CEP43: variants seen among roughly 807,000 people sequenced by gnomAD.
The protein encoded by CEP43 is centrosomal protein 43.
A neutral mutation model predicts 52.6 loss-of-function variants in CEP43; 36 were observed. That is an observed-to-expected ratio of 0.68 (90% CI 0.52 to 0.90). The LOEUF is 0.90. Among genes scored for constraint, CEP43 ranks in the 40% least tolerant of loss-of-function variants. The pLI, the probability that CEP43 is intolerant of heterozygous loss-of-function variation, is 0.00. For synonymous variants in CEP43, 192 were observed against 172.4 expected (o/e 1.11, Z -0.89); for missense variants, 506 against 472.8 (o/e 1.07, Z -0.65).
At position 167,003,625 on chromosome 6, in the gene CEP43, C is replaced by G. The variant is rs775834364; in HGVS notation, c.212-98C>G. On this transcript the variant is annotated intron_variant, in intron 3 of 12. Coordinates refer to ENST00000366847, the MANE Select transcript of CEP43 (RefSeq NM_007045.4). ...TTTGTAACTTAAAAAATTTAGAAACCTTTCTTCCATTAATTTAGTGTATCT... is the reference window on the plus strand; with the variant it reads ...TTTGTAACTTAAAAAATTTAGAAACGTTTCTTCCATTAATTTAGTGTATCT... The G allele has an allele frequency of 2.2e-5, 15 of 684,486 alleles. No homozygotes were observed. In the African/African-American group the frequency reaches 2.7e-4, roughly 12 times the overall value. 42.4% of individuals were successfully genotyped at this position (684,486 alleles called of 1,614,324 possible). A position where few individuals can be genotyped will look rare whatever the true frequency, so the allele number is the denominator to read the frequency against.
chr6:167,013,188 T>C (rs779838110), intron 6 of CEP43, among the ~76,000 whole-genome samples: 4 of 152,174 alleles, frequency 2.6e-5, no homozygotes, highest in Non-Finnish European at 5.9e-5. Flanking sequence ...GGAAGTTGCC[T>C]AGGAACTCAA....
chr6:167,010,367 A>G (rs575274092), intron 5 of CEP43, among the ~76,000 whole-genome samples: 5 of 152,340 alleles, frequency 3.3e-5, no homozygotes, highest in South Asian at 4.1e-4. Flanking sequence ...GTGAACTACT[A>G]TTTGAAGGGG....
At position 167,048,113 on chromosome 6, in the gene CEP43, A is replaced by G. The variant is rs980075834; in HGVS notation, c.*8135A>G. ...TGGACATTAAAACTGAATTGTAGGC[A>G]GGCGTGGTGGCTCACACCTGTAATC... On this transcript the variant is annotated 3_prime_UTR_variant, in exon 13 of 13. Transcript: ENST00000366847. 1.3e-5 allele frequency: 2 copies of G among 152,218 alleles called. No individual in the cohort carries two copies. The highest frequency in any genetic ancestry group is 2.9e-5 in the Non-Finnish European group (2 of 68,046). 9.4% of individuals were successfully genotyped at this position (152,218 alleles called of 1,614,324 possible). A position where few individuals can be genotyped will look rare whatever the true frequency, so the allele number is the denominator to read the frequency against.
In CEP43 at chr6:167,039,935, C is replaced by T. The variant is rs1181535585; in HGVS notation, c.1157C>T (p.Ser386Phe). The change falls in exon 13 of 13, where the codon TCC (serine) becomes TTC (phenylalanine). Residue 386 changes from serine (S) to phenylalanine (F), a missense_variant. Coordinates refer to ENST00000366847, the MANE Select transcript of CEP43 (RefSeq NM_007045.4). The stretch of plus-strand genomic sequence containing the variant: ...GACCTCACACAAGATCTGACTGTAT[C>T]CCAGCTCAGTGATGTTGCGGATTAT... ...LDDLTQDLTVSQLSDVADYLE... is the reference protein window; with the variant it reads ...LDDLTQDLTVFQLSDVADYLE... The T allele has an allele frequency of 6.2e-7, 1 of 1,613,540 alleles. No homozygotes were observed.
In CEP43 at chr6:167,003,243, A is replaced by C; in HGVS notation, c.207A>C (p.Lys69Asn). 2.0e-6 allele frequency: 3 copies of C among 1,485,736 alleles called. No individual in the cohort carries two copies. The allele number at this position is 1,485,736 out of a possible 1,614,324, so 92.0% of individuals were successfully genotyped here. ...NESLKKFLNT[K>N]DGRLVASLVA... Reference sequence around the variant, plus strand: ...GCCTGAAAAAGTTTTTAAATACCAAAGACGGTAAGATGTTCAGTTTGTTCT... The same window carrying C: ...GCCTGAAAAAGTTTTTAAATACCAACGACGGTAAGATGTTCAGTTTGTTCT... Residue 69 changes from lysine (K) to asparagine (N), a missense_variant, in exon 3 of 13, where the codon AAA becomes AAC. Lys to Asn is a moderately conservative substitution (Grantham distance 94). Transcript: ENST00000366847.
intron 5 of CEP43, 71 bp downstream of exon 5, chr6:167,004,472 G>A: frequency 7.7e-7 from 1 of 1,297,762 alleles, no homozygotes; most frequent in Non-Finnish European, 1.0e-6. Flanking sequence ...GCAGATTAGT[G>A]CATATATAGT....
intron 10 of CEP43, among the ~76,000 whole-genome samples, chr6:167,032,140 C>A (rs1294554021): frequency 6.6e-6 from 1 of 152,192 alleles, no homozygotes; most frequent in Non-Finnish European, 1.5e-5. Flanking sequence ...GAGGCCTGAG[C>A]CTGGCTCTGT....
At chr6:167,013,799 C>T (rs1437889390) in intron 7 of CEP43, among the ~76,000 whole-genome samples, 1 of 152,152 alleles carries the variant, frequency 6.6e-6, no homozygotes, top group Non-Finnish European at 1.5e-5. Context: ...CATGGTGAAA[C>T]CCCGCCTCTA....
Position 167,043,039 on chromosome 6 carries a change from A to C in CEP43, c.*3061A>C, listed in dbSNP as rs1780732134. The C allele has an allele frequency of 6.6e-6, 1 of 152,228 alleles. No homozygotes were observed. Among genetic ancestry groups the C allele is most frequent in the South Asian group, 2.1e-4 (1 of 4,834 alleles). 9.4% of individuals were successfully genotyped at this position (152,228 alleles called of 1,614,324 possible). On this transcript the variant is annotated 3_prime_UTR_variant, in exon 13 of 13. Coordinates refer to ENST00000366847, the MANE Select transcript of CEP43 (RefSeq NM_007045.4). ...TGAGGGGAAAGCTGTCCTTACCCTAAACCTGGGGAGGTCCCTAGGTTCAAG... is the reference window on the plus strand; with the variant it reads ...TGAGGGGAAAGCTGTCCTTACCCTACACCTGGGGAGGTCCCTAGGTTCAAG...
chr6:167,018,125 A>G (rs73026240), intron 7 of CEP43, among the ~76,000 whole-genome samples: 3,080 of 152,212 alleles, frequency 0.02, 51 homozygotes, highest in East Asian at 0.091. Context: ...CCATCTTCAC[A>G]TGGACTTCTC....
chr6:167,004,337 G>A lies in CEP43; in HGVS notation c.374G>A (p.Gly125Glu), dbSNP rs773273833. The change falls in exon 5 of 13, where the codon GGA (glycine) becomes GAA (glutamate). Residue 125 changes from glycine to glutamate, a missense_variant. By Grantham distance (98) the Gly-to-Glu change is moderately conservative (BLOSUM62 -2). Coordinates refer to ENST00000366847, the MANE Select transcript of CEP43 (RefSeq NM_007045.4). ...GIIEAEGTVG[G>E]PLLLEVIRRC... ...ATTGAAGCAGAAGGTACTGTGGGTGGACCCTTATTATTAGAAGTGATCAGG... is the reference window on the plus strand; with the variant it reads ...ATTGAAGCAGAAGGTACTGTGGGTGAACCCTTATTATTAGAAGTGATCAGG... 10 of 1,612,040 alleles carry A rather than the reference G, an allele frequency of 6.2e-6. No homozygotes were observed. Among genetic ancestry groups the A allele is most frequent in the Non-Finnish European group, 8.5e-6 (10 of 1,178,936 alleles).
At position 167,051,337 on chromosome 6, in the gene CEP43, G is replaced by C. The variant is rs990821526; in HGVS notation, c.*11359G>C. 3 of 152,184 alleles carry C rather than the reference G, an allele frequency of 2.0e-5. No homozygotes were observed. The highest frequency in any genetic ancestry group is 7.2e-5 in the African/African-American group (3 of 41,456). 9.4% of individuals were successfully genotyped at this position (152,184 alleles called of 1,614,324 possible). ...GGTAGCCTTTCATTAGTTTTACAAA[G>C]GCAGTTTAATTTTGGGGGGCAGGGC... On this transcript the variant is annotated 3_prime_UTR_variant, in exon 13 of 13. Coordinates refer to ENST00000366847, the MANE Select transcript of CEP43 (RefSeq NM_007045.4).
At position 167,022,579 on chromosome 6, in the gene CEP43, G is replaced by A. The variant is rs1780261770; in HGVS notation, c.750G>A (p.Met250Ile). The A allele has an allele frequency of 6.2e-7, 1 of 1,614,000 alleles. No individual in the cohort carries two copies. The highest frequency in any genetic ancestry group is 1.1e-5 in the South Asian group (1 of 91,088). ...KAGLCPDEDDMEGDSFFDDPI... is the reference protein window; with the variant it reads ...KAGLCPDEDDIEGDSFFDDPI... Reference sequence around the variant, plus strand: ...GCCTTTGTCCAGATGAAGATGATATGGAAGGAGATTCTTTCTTTGATGATC... The same window carrying A: ...GCCTTTGTCCAGATGAAGATGATATAGAAGGAGATTCTTTCTTTGATGATC... Residue 250 changes from methionine (M) to isoleucine (I), a missense_variant, in exon 8 of 13, where the codon ATG becomes ATA. By Grantham distance (10) the Met-to-Ile change is conservative. Coordinates refer to ENST00000366847, the MANE Select transcript of CEP43 (RefSeq NM_007045.4).
intron 5 of CEP43, among the ~76,000 whole-genome samples, chr6:167,006,987 A>G (rs1438188111): frequency 6.6e-6 from 1 of 152,190 alleles, no homozygotes; most frequent in Non-Finnish European, 1.5e-5. Flanking sequence ...CTCCCCGCAA[A>G]TAACCCTCTT....
At position 166,999,459 on chromosome 6, in the gene CEP43, T is replaced by A; in HGVS notation, c.47T>A (p.Leu16Gln). ...AAVVAEEDTE[L>Q]RDLLVQTLEN... ...GTGGTGGCCGAGGAGGACACGGAGCTGCGGGACCTGCTGGTGCAGACGCTG... is the reference window on the plus strand; with the variant it reads ...GTGGTGGCCGAGGAGGACACGGAGCAGCGGGACCTGCTGGTGCAGACGCTG... Residue 16 changes from leucine to glutamine, a missense_variant, in exon 1 of 13, where the codon CTG becomes CAG. Leu to Gln is a moderately radical substitution (Grantham distance 113). Coordinates refer to ENST00000366847, the MANE Select transcript of CEP43 (RefSeq NM_007045.4). 1 of 1,484,706 alleles carries A rather than the reference T, an allele frequency of 6.7e-7. No homozygotes were observed. Among genetic ancestry groups the A allele is most frequent in the Non-Finnish European group, 9.0e-7 (1 of 1,115,402 alleles). The allele number at this position is 1,484,706 out of a possible 1,614,324, so 92.0% of individuals were successfully genotyped here.
intron 4 of CEP43, 93 bp downstream of exon 4, chr6:167,003,904 A>G: frequency 1.3e-6 from 1 of 771,792 alleles, no homozygotes. Flanking sequence ...GACAACTGAT[A>G]GTTTTTTACA....
intron 7 of CEP43, among the ~76,000 whole-genome samples, chr6:167,014,620 A>G (rs930327839): frequency 1.3e-5 from 2 of 152,126 alleles, no homozygotes; most frequent in Admixed American, 1.3e-4. Context: ...TAAAAATTCC[A>G]CCTGTTGTGT....
intron 12 of CEP43, among the ~76,000 whole-genome samples, chr6:167,037,936 C>G (rs1034896099): frequency 2.1e-4 from 32 of 152,128 alleles, no homozygotes; most frequent in African/African-American, 7.7e-4. Context: ...TGTGACTGTC[C>G]CCTGGTCTGT....
At chr6:167,010,781 A>C (rs1388833148) in intron 5 of CEP43, 32 bp from the exon 6 acceptor site, 1 of 1,143,104 alleles carries the variant, frequency 8.7e-7, no homozygotes, top group Non-Finnish European at 1.2e-6. Context: ...TTATTTTTAA[A>C]TGTATTTTAA....
Sources: gnomAD v4.1 joint callset for allele counts (sites outside exome capture counted in the v4.1 genomes callset) on GRCh38, gnomAD v4.1.1 for gene constraint, MANE v1.5 for transcripts, NCBI Gene and HGNC (gene_info 2026-07-23, HGNC 2026-07-21) for gene names.